CARMIL1: variants seen among roughly 807,000 people sequenced by gnomAD.
CARMIL1 encodes the protein F-actin-uncapping protein LRRC16A.
CARMIL1 carries 90 observed loss-of-function variants against 177.1 expected under a neutral mutation model. That is an observed-to-expected ratio of 0.51 (90% CI 0.43 to 0.61). CARMIL1 has a LOEUF of 0.61. Among genes scored for constraint, CARMIL1 ranks in the 20% least tolerant of loss-of-function variants. The pLI, the probability that CARMIL1 is intolerant of heterozygous loss-of-function variation, is 0.00. For synonymous variants in CARMIL1, 577 were observed against 606.2 expected (o/e 0.95, Z 0.71); for missense variants, 1,380 against 1,667.0 (o/e 0.83, Z 3.00).
chr6:25,589,821 A>G (rs1215412085), intron 31 of CARMIL1, among the ~76,000 whole-genome samples: 1 of 152,162 alleles, frequency 6.6e-6, no homozygotes, highest in East Asian at 1.9e-4. Context: ...GGAAACTTCT[A>G]TTTATTCAAC....
chr6:25,547,739 T>G (rs1809653352), intron 26 of CARMIL1, among the ~76,000 whole-genome samples: 1 of 152,176 alleles, frequency 6.6e-6, no homozygotes, highest in African/African-American at 2.4e-5. Flanking sequence ...TGCATATAAA[T>G]TTTTCTGGAT....
rs1022216068 is a variant in CARMIL1 at position 25,509,886 on chromosome 6, A to G, written c.1477+149A>G. 6.7e-6 allele frequency: 4 copies of G among 594,910 alleles called. No homozygotes were observed. Among genetic ancestry groups the G allele is most frequent in the Admixed American group, 3.0e-5 (1 of 33,748 alleles). The allele number at this position is 594,910 out of a possible 1,614,324, so 36.9% of individuals were successfully genotyped here. On this transcript the variant is annotated intron_variant, in intron 18 of 36. Coordinates refer to ENST00000329474, the MANE Select transcript of CARMIL1 (RefSeq NM_017640.6). This position sits in a 1 kb window ranked among gnomAD's most constrained non-coding sequence, Gnocchi z 4.1. ...ACTAATAGGGCTTTTAAATTTAACAATGGGGTATATTTGTAGAATAGATCT... is the reference window on the plus strand; with the variant it reads ...ACTAATAGGGCTTTTAAATTTAACAGTGGGGTATATTTGTAGAATAGATCT...
At chr6:25,379,304 G>A (rs1386372294) in intron 2 of CARMIL1, among the ~76,000 whole-genome samples, 1 of 152,100 alleles carries the variant, frequency 6.6e-6, no homozygotes, top group African/African-American at 2.4e-5. Context: ...GTGATGTGTT[G>A]GGAGAGACTT....
intron 36 of CARMIL1, among the ~76,000 whole-genome samples, chr6:25,611,565 A>G (rs1360191716): frequency 6.6e-6 from 1 of 152,208 alleles, no homozygotes; most frequent in Non-Finnish European, 1.5e-5. Flanking sequence ...AAGCGTTGAA[A>G]ATGCCTGAAA....
intron 8 of CARMIL1, among the ~76,000 whole-genome samples, chr6:25,461,978 T>A (rs751134394): frequency 5.1e-4 from 78 of 152,190 alleles, no homozygotes; most frequent in Non-Finnish European, 1.3e-4. Context: ...TATATCTTAT[T>A]TAGTGAAGTG....
chr6:25,493,237 T>TAACA (rs1803398168), intron 15 of CARMIL1, among the ~76,000 whole-genome samples: 1 of 152,238 alleles, frequency 6.6e-6, no homozygotes, highest in Non-Finnish European at 1.5e-5. Flanking sequence ...AGAATTGCGC[T>TAACA]AACAAATTGT....
intron 2 of CARMIL1, chr6:25,350,498 C>G (rs1248082515): frequency 6.6e-6 from 1 of 152,172 alleles, no homozygotes; most frequent in Non-Finnish European, 1.5e-5. Context: ...TGGGCACAGG[C>G]TCATTTGGCC....
rs79828023 is a variant in CARMIL1, at chr6:25,543,291, G to A, written c.2328+3213G>A. 3.2e-3 allele frequency among the ~76,000 whole-genome samples: 490 copies of A among 152,242 alleles called. 4 individuals carry two copies. The highest frequency in any genetic ancestry group is 9.8e-3 in the African/African-American group (407 of 41,552). On this transcript the variant is annotated intron_variant, in intron 26 of 36. Transcript: ENST00000329474. Reference sequence around the variant, plus strand: ...TGAATAAGTTCAAATAGCTCTTTAAGCCATCTTTCCAAAGTATTATTTCAG... The same window carrying A: ...TGAATAAGTTCAAATAGCTCTTTAAACCATCTTTCCAAAGTATTATTTCAG...
chr6:25,394,227 ATCT>A (rs1164387263), intron 2 of CARMIL1, among the ~76,000 whole-genome samples: 2 of 152,170 alleles, frequency 1.3e-5, no homozygotes, highest in African/African-American at 4.8e-5. Flanking sequence ...GATTTTGTTC[ATCT>A]TCTTGGCAGT....
intron 11 of CARMIL1, among the ~76,000 whole-genome samples, chr6:25,474,103 A>G (rs1037147255): frequency 3.3e-5 from 5 of 151,162 alleles, no homozygotes; most frequent in African/African-American, 1.2e-4. Context: ...ATATTTGATG[A>G]GTATTAATTT....
intron 2 of CARMIL1, among the ~76,000 whole-genome samples, chr6:25,410,993 A>G (rs954481069): frequency 1.3e-5 from 2 of 152,132 alleles, no homozygotes; most frequent in East Asian, 3.8e-4. Context: ...TGATTCTCAA[A>G]TGGATGTGTT....
At chr6:25,323,760 G>A (rs1784861402) in intron 2 of CARMIL1, among the ~76,000 whole-genome samples, 1 of 152,148 alleles carries the variant, frequency 6.6e-6, no homozygotes, top group Admixed American at 6.5e-5. Flanking sequence ...TTTGGAAGTT[G>A]GGACTGTTCC....
Position 25,604,847 on chromosome 6 carries a change from C to A in CARMIL1, c.3588C>A (p.Ser1196=), listed in dbSNP as rs759482035. The change falls in exon 34 of 37, where the codon TCC becomes TCA. Residue 1196 remains serine (S), a synonymous_variant. Coordinates refer to ENST00000329474, the MANE Select transcript of CARMIL1 (RefSeq NM_017640.6). ...ATGATGCCGTATCCCAGGATTCTTC[C>A]AGCCCAGCTTTGAGCGGCGTAGAAC... ...LGNDAVSQDS[S]SPALSGVERS... 4 of 1,597,996 alleles carry A rather than the reference C, an allele frequency of 2.5e-6. No individual in the cohort carries two copies. The South Asian group carries it at 4.6e-5, about 18-fold the overall frequency.
At chr6:25,557,578 G>T (rs1048020600) in intron 29 of CARMIL1, among the ~76,000 whole-genome samples, 1 of 152,066 alleles carries the variant, frequency 6.6e-6, no homozygotes, top group Non-Finnish European at 1.5e-5. Flanking sequence ...ATATGTTTAT[G>T]TCTTACAAAA....
intron 2 of CARMIL1, among the ~76,000 whole-genome samples, chr6:25,312,779 G>GA (rs1783936768): frequency 6.7e-6 from 1 of 149,926 alleles, no homozygotes; most frequent in Non-Finnish European, 1.5e-5. Context: ...AGAAATTAGT[G>GA]AAAACAGTTT....
intron 2 of CARMIL1, among the ~76,000 whole-genome samples, chr6:25,323,532 C>G (rs1042437324): frequency 6.6e-6 from 1 of 152,010 alleles, no homozygotes; most frequent in Non-Finnish European, 1.5e-5. Flanking sequence ...TTGCTTGAGC[C>G]CAGGAGTTTG....
chr6:25,336,196 C>G (rs11754685), intron 2 of CARMIL1, among the ~76,000 whole-genome samples: 73,250 of 151,856 alleles, frequency 0.48, 18,332 homozygotes, highest in South Asian at 0.59. Context: ...TGTTTCTCCT[C>G]TCCTGTTTGC....
At chr6:25,362,916 T>C (rs1789378272) in intron 2 of CARMIL1, among the ~76,000 whole-genome samples, 1 of 152,106 alleles carries the variant, frequency 6.6e-6, no homozygotes, top group African/African-American at 2.4e-5. Context: ...ATGCCTGTAA[T>C]CCCAGCTACT....
In CARMIL1 at chr6:25,359,179, T is replaced by A. The variant is rs148226139; in HGVS notation, c.139-60935T>A. On this transcript the variant is annotated intron_variant, in intron 2 of 36. Coordinates refer to ENST00000329474, the MANE Select transcript of CARMIL1 (RefSeq NM_017640.6). ...GGGCAGAAGTCTGTGAATGCCATTA[T>A]AGCTAAGACTCTCCCATTCTGGCCA... 8.6e-3 allele frequency among the ~76,000 whole-genome samples: 1,303 copies of A among 152,340 alleles called. 77 individuals are homozygous for A. The highest frequency in any genetic ancestry group is 0.075 in the Admixed American group (1,145 of 15,300).
Sources: allele counts gnomAD v4.1 joint callset (sites outside exome capture counted in the v4.1 genomes callset), GRCh38; gene constraint gnomAD v4.1.1; non-coding constraint Gnocchi (gnomAD v3.1); transcripts MANE v1.5; gene names NCBI Gene and HGNC (gene_info 2026-07-23, HGNC 2026-07-21).